Variants in POP1 observed in about 807,000 individuals in gnomAD.
POP1 encodes the protein POP1 ribonuclease P/MRP subunit, also known as ribonucleases P/MRP protein subunit POP1.
POP1 carries 75 observed loss-of-function variants against 102.2 expected under a neutral mutation model. The observed-to-expected ratio is 0.73, with a 90% CI of 0.61 to 0.89. The LOEUF is 0.89. POP1 is among the 40% of genes least tolerant of loss of function. The pLI is 0.00. For missense variants in POP1, 1,116 were observed against 1,267.4 expected, an observed-to-expected ratio of 0.88 and a Z score of 1.81; for synonymous variants, 436 against 464.1, an observed-to-expected ratio of 0.94 and a Z score of 0.78.
chr8:98,118,992 A>G (rs1009337639), intron 1 of POP1, among the ~76,000 whole-genome samples: 13 of 152,200 alleles, frequency 8.5e-5, no homozygotes, highest in Non-Finnish European at 1.3e-4. Context: ...GAATAATACT[A>G]GTGACCACAG....
chr8:98,128,009 C>T (rs558343955), intron 3 of POP1, among the ~76,000 whole-genome samples: 3 of 152,154 alleles, frequency 2.0e-5, no homozygotes, highest in South Asian at 2.1e-4. Context: ...TGAACTGTTC[C>T]TCTTTGTCTT....
At position 98,150,591 on chromosome 8, in the gene POP1, T is replaced by A; in HGVS notation, c.2009T>A (p.Met670Lys). The A allele has an allele frequency of 6.2e-7, 1 of 1,614,248 alleles. No homozygotes were observed. The highest frequency in any genetic ancestry group is 8.5e-7 in the Non-Finnish European group (1 of 1,180,052). ...GATTTTCCAGACTGCCCTGCCGGGA[T>A]GCTGTTTGCGGAAGAGCAAGCTAAG... Reference protein sequence around the residue: ...PGDFPDCPAGMLFAEEQAKNL... With the variant: ...PGDFPDCPAGKLFAEEQAKNL... The change falls in exon 14 of 16, where the codon ATG (methionine) becomes AAG (lysine). Residue 670 changes from methionine (M) to lysine (K), a missense_variant. By Grantham distance (95) the Met-to-Lys change is moderately conservative. Coordinates refer to ENST00000401707, the MANE Select transcript of POP1 (RefSeq NM_001145860.2).
At chr8:98,128,071 T>C (rs1816265947) in intron 3 of POP1, among the ~76,000 whole-genome samples, 1 of 152,160 alleles carries the variant, frequency 6.6e-6, no homozygotes, top group African/African-American at 2.4e-5. Flanking sequence ...CAGCACAGCA[T>C]TCTCCAAGGA....
At chr8:98,133,893 G>T in intron 5 of POP1, 56 bp from the exon 6 acceptor site, 1 of 1,304,264 alleles carries the variant, frequency 7.7e-7, no homozygotes, top group Non-Finnish European at 1.1e-6. Context: ...TGGCTTCTTA[G>T]CAGTTTTGCC....
chr8:98,143,867 A>G (rs1458886365), intron 11 of POP1, among the ~76,000 whole-genome samples: 1 of 152,098 alleles, frequency 6.6e-6, no homozygotes, highest in African/African-American at 2.4e-5. Context: ...AATTTCCTCT[A>G]TGTAGGCCAG....
rs925305859 is a variant in POP1 at position 98,130,238 on chromosome 8, C to T, written c.735+12C>T. 4 of 1,613,942 alleles carry T rather than the reference C, an allele frequency of 2.5e-6. No individual in the cohort carries two copies. The African/African-American group carries it at 5.3e-5, about 22-fold the overall frequency. On this transcript the variant is annotated intron_variant, in intron 5 of 15. Transcript: ENST00000401707. ...GGTGCCTCCTGCAGGTGAGCTTTTC[C>T]AGTGGGCTTTTTTTGTTATTTTTGT... is the stretch of plus-strand genomic sequence containing the variant.
chr8:98,143,806 C>T (rs1586244330), intron 11 of POP1, among the ~76,000 whole-genome samples: 2 of 152,078 alleles, frequency 1.3e-5, no homozygotes, highest in South Asian at 4.1e-4. Flanking sequence ...TGGAATCATA[C>T]AATACATAGC....
At chr8:98,129,466 G>A (rs984660265) in intron 4 of POP1, among the ~76,000 whole-genome samples, 2 of 152,184 alleles carry the variant, frequency 1.3e-5, no homozygotes, top group Non-Finnish European at 2.9e-5. Context: ...ATACTTTCTA[G>A]ATTTAATATA....
chr8:98,138,058 C>T (rs1416798936), intron 9 of POP1, among the ~76,000 whole-genome samples: 5 of 152,214 alleles, frequency 3.3e-5, no homozygotes, highest in Non-Finnish European at 7.3e-5. Context: ...GTACTCTCAA[C>T]CAGTGTTGTC....
intron 14 of POP1, 30 bp from the exon 15 acceptor site, chr8:98,156,018 CAA>C: frequency 6.4e-7 from 1 of 1,572,702 alleles, no homozygotes; most frequent in Non-Finnish European, 8.7e-7. Context: ...CTAAATTGTT[CAA>C]CATTGGTTCT....
chr8:98,141,526 ATAAAG>A (rs1050664815), intron 11 of POP1, among the ~76,000 whole-genome samples: 2 of 152,016 alleles, frequency 1.3e-5, no homozygotes, highest in African/African-American at 4.8e-5. Flanking sequence ...GTCTTTGGAG[ATAAAG>A]TAAAGGTTTG....
intron 14 of POP1, among the ~76,000 whole-genome samples, chr8:98,154,967 T>G: frequency 6.6e-6 from 1 of 152,142 alleles, no homozygotes; most frequent in South Asian, 2.1e-4. Flanking sequence ...AAGAAAGAAA[T>G]ATGTAATATC....
Position 98,145,518 on chromosome 8 carries a change from A to G in POP1, c.1595-1050A>G, listed in dbSNP as rs906302598. ...ATCAATATAGAAGTTTGTCACTGAT[A>G]AAGTTTGTTCCCCTTCCTGCTTGAG... On this transcript the variant is annotated intron_variant, in intron 11 of 15. Coordinates refer to ENST00000401707, the MANE Select transcript of POP1 (RefSeq NM_001145860.2). Among the ~76,000 whole-genome samples the G allele has an allele frequency of 5.3e-5, 8 of 152,204 alleles. No homozygotes were observed. The East Asian group carries it at 1.5e-3, about 29-fold the overall frequency.
chr8:98,155,880 T>G, intron 14 of POP1, 170 bp from the exon 15 acceptor site: 2 of 773,198 alleles, frequency 2.6e-6, no homozygotes, highest in Non-Finnish European at 2.1e-6. Flanking sequence ...CAGCCTATTA[T>G]TCTTTATCAT....
intron 5 of POP1, among the ~76,000 whole-genome samples, chr8:98,131,610 A>G (rs1237121063): frequency 2.6e-5 from 4 of 152,214 alleles, no homozygotes; most frequent in Non-Finnish European, 5.9e-5. Flanking sequence ...CCTCTTGAAT[A>G]TATCCCCAGA....
intron 10 of POP1, 39 bp from the exon 11 acceptor site, chr8:98,140,730 G>T (rs1481942461): frequency 6.2e-7 from 1 of 1,602,572 alleles, no homozygotes; most frequent in East Asian, 2.2e-5. Flanking sequence ...GATGTATTAT[G>T]AATGACTTTC....
At chr8:98,156,896 C>T (rs1809665030) in intron 15 of POP1, among the ~76,000 whole-genome samples, 1 of 148,860 alleles carries the variant, frequency 6.7e-6, no homozygotes. Flanking sequence ...GTGCTTTGCT[C>T]TGATTTTTTT....
At position 98,159,607 on chromosome 8, in the gene POP1, G is replaced by A. The variant is rs1037628822; in HGVS notation, c.*1336G>A. Reference sequence around the variant, plus strand: ...GCATTATTTTATGTAAATGCATTGGGTTTTTACTGTAGCATTTGGCACTAA... The same window carrying A: ...GCATTATTTTATGTAAATGCATTGGATTTTTACTGTAGCATTTGGCACTAA... On this transcript the variant is annotated 3_prime_UTR_variant, in exon 16 of 16. Transcript: ENST00000401707. The A allele has an allele frequency of 1.3e-5, 2 of 152,022 alleles. No homozygotes were observed. Among genetic ancestry groups the A allele is most frequent in the Admixed American group, 1.3e-4 (2 of 15,262 alleles). The allele number at this position is 152,022 out of a possible 1,614,324, so 9.4% of individuals were successfully genotyped here.
At chr8:98,134,360 C>A in intron 6 of POP1, 112 bp from the exon 7 acceptor site, 1 of 1,133,052 alleles carries the variant, frequency 8.8e-7, no homozygotes, top group Non-Finnish European at 1.3e-6. Context: ...ATCCTCACAA[C>A]CAAAACTTCA....
Sources: allele counts gnomAD v4.1 joint callset (sites outside exome capture counted in the v4.1 genomes callset), GRCh38; gene constraint gnomAD v4.1.1; transcripts MANE v1.5; gene names NCBI Gene and HGNC (gene_info 2026-07-23, HGNC 2026-07-21).